The following KCTD21 variants were observed in gnomAD, a reference collection of about 807,000 sequenced individuals.
KCTD21 encodes the protein BTB/POZ domain-containing protein KCTD21.
In KCTD21, 9 loss-of-function variants were observed where a neutral mutation model predicts 13.2. The observed-to-expected ratio is 0.68, with a 90% confidence interval of 0.41 to 1.19. The LOEUF (loss-of-function observed/expected upper bound fraction) is 1.19, where lower values mean the gene tolerates loss of function less well. Among genes scored for constraint, KCTD21 ranks in the 50% most tolerant of loss-of-function variants. KCTD21 has a pLI of 0.01. For synonymous variants in KCTD21, 142 were observed against 137.4 expected, an observed-to-expected ratio of 1.03 and a Z score of -0.23; for missense variants, 303 against 336.5, an observed-to-expected ratio of 0.90 and a Z score of 0.78.
chr11:78,173,706 G>A lies in KCTD21; in HGVS notation c.*66C>T. 8 of 1,354,088 alleles carry A rather than the reference G, an allele frequency of 5.9e-6. No individual in the cohort carries two copies. Among genetic ancestry groups the A allele is most frequent in the Non-Finnish European group, 8.2e-6 (8 of 973,394 alleles). The allele number at this position is 1,354,088 out of a possible 1,614,324, so 83.9% of individuals were successfully genotyped here. A position where few individuals can be genotyped will look rare whatever the true frequency, so the allele number is the denominator to read the frequency against. The stretch of plus-strand genomic sequence containing the variant: ...CCCTGCCTCGCACCACTGGCGAGAT[G>A]CCCTCCAAGACCTGGCTGACATGAG... On this transcript the variant is annotated 3_prime_UTR_variant, in exon 2 of 2. Transcript: ENST00000340067.
intron 1 of KCTD21, chr11:78,187,479 T>C (rs1862819634): frequency 1.0e-6 from 1 of 985,426 alleles, no homozygotes; most frequent in Non-Finnish European, 1.2e-6. Context: ...CCACGGAATC[T>C]GGCACGGCAA....
intron 1 of KCTD21, chr11:78,188,108 T>C (rs1224848163): frequency 3.0e-6 from 3 of 985,276 alleles, no homozygotes; most frequent in African/African-American, 3.5e-5. Flanking sequence ...CCCAGGGCTC[T>C]CCAGAGCGGG....
intron 1 of KCTD21, 174 bp from the exon 2 acceptor site, chr11:78,174,757 G>GAGGGAAAGGAGAAAGGGAA: frequency 2.0e-6 from 1 of 490,976 alleles, no homozygotes; most frequent in Admixed American, 3.7e-5. Flanking sequence ...TCACTAGGGA[G>GAGGGAAAGGAGAAAGGGAA]AGGGAAAGGA....
chr11:78,187,325 T>G (rs1032374507), intron 1 of KCTD21: 31 of 985,146 alleles, frequency 3.1e-5, no homozygotes, highest in Admixed American at 6.1e-5. Context: ...TCTTGCCCAG[T>G]CCATATCTCT....
chr11:78,180,349 A>T (rs1011637749), intron 1 of KCTD21, among the ~76,000 whole-genome samples: 5 of 152,224 alleles, frequency 3.3e-5, no homozygotes, highest in African/African-American at 1.2e-4. Flanking sequence ...AAAACTCAGT[A>T]AGAAAATAAC....
intron 1 of KCTD21, 84 bp downstream of exon 1, chr11:78,188,489 T>C (rs1862885809): frequency 1.0e-6 from 1 of 984,802 alleles, no homozygotes; most frequent in Non-Finnish European, 1.2e-6. Flanking sequence ...TAGATTAGTC[T>C]CATGGTAAGA....
rs1862281454 is a variant in KCTD21, at chr11:78,171,565, T to C, written c.*2207A>G. Reference sequence around the variant, plus strand: ...AAATTGTTTTGTTATGACCACAGCTTCTGCTACTTGGTCTAAACTAGGTTC... The same window carrying C: ...AAATTGTTTTGTTATGACCACAGCTCCTGCTACTTGGTCTAAACTAGGTTC... On this transcript the variant is annotated 3_prime_UTR_variant, in exon 2 of 2. Transcript: ENST00000340067. 2 of 152,548 alleles carry C rather than the reference T, an allele frequency of 1.3e-5. No individual in the cohort carries two copies. The highest frequency in any genetic ancestry group is 2.9e-5 in the Non-Finnish European group (2 of 68,054). The allele number at this position is 152,548 out of a possible 1,614,324, so 9.4% of individuals were successfully genotyped here. A position where few individuals can be genotyped will look rare whatever the true frequency, so the allele number is the denominator to read the frequency against.
chr11:78,188,264 C>G (rs912857077), intron 1 of KCTD21: 2 of 984,612 alleles, frequency 2.0e-6, no homozygotes, highest in Non-Finnish European at 2.4e-6. Context: ...GAGATCCCGC[C>G]TCTCCTTGCC....
chr11:78,174,681 G>T, intron 1 of KCTD21, 98 bp from the exon 2 acceptor site: 1 of 818,882 alleles, frequency 1.2e-6, no homozygotes, highest in Non-Finnish European at 1.9e-6. Context: ...ATGCCCTTGG[G>T]ATCGAAATGA....
At chr11:78,185,532 G>A (rs1317930949) in intron 1 of KCTD21, among the ~76,000 whole-genome samples, 1 of 152,056 alleles carries the variant, frequency 6.6e-6, no homozygotes, top group Non-Finnish European at 1.5e-5. Context: ...GGAGGAGTTA[G>A]AATCTAAGCC....
chr11:78,188,547 C>T (rs1862889585), intron 1 of KCTD21, 26 bp downstream of exon 1: 11 of 985,480 alleles, frequency 1.1e-5, no homozygotes, highest in Non-Finnish European at 1.3e-5. Flanking sequence ...CCCCGAGCCC[C>T]GCGACCCCGG....
intron 1 of KCTD21, chr11:78,186,571 G>A (rs2137009266): frequency 2.5e-6 from 1 of 398,036 alleles, no homozygotes; most frequent in Admixed American, 6.6e-5. Context: ...ACACTACAAC[G>A]GCAATAATAA....
In KCTD21 at chr11:78,172,872, A is replaced by G. The variant is rs1702972339; in HGVS notation, c.*900T>C. On this transcript the variant is annotated 3_prime_UTR_variant, in exon 2 of 2. Coordinates refer to ENST00000340067, the MANE Select transcript of KCTD21 (RefSeq NM_001029859.3). ...CCCAGGGAGAGGCGCTCATCTTCAG[A>G]TGTGCTGGGGTGTTCTAGGGGTGGG... The G allele has an allele frequency of 6.6e-6, 1 of 152,434 alleles. No individual in the cohort carries two copies. The highest frequency in any genetic ancestry group is 2.1e-4 in the South Asian group (1 of 4,826). The allele number at this position is 152,434 out of a possible 1,614,324, so 9.4% of individuals were successfully genotyped here.
chr11:78,176,088 G>C (rs1161357849), intron 1 of KCTD21, among the ~76,000 whole-genome samples: 1 of 152,138 alleles, frequency 6.6e-6, no homozygotes, highest in African/African-American at 2.4e-5. Flanking sequence ...TGGCTGCATA[G>C]TATTCCATGG....
rs201143591 is a variant in KCTD21, at chr11:78,173,783, G to A, written c.772C>T (p.Arg258Trp). The A allele has an allele frequency of 1.6e-5, 25 of 1,611,980 alleles. No individual in the cohort carries two copies. The highest frequency in any genetic ancestry group is 4.5e-5 in the East Asian group (2 of 44,854). The change falls in exon 2 of 2, where the codon CGG becomes TGG. Residue 258 changes from arginine (R) to tryptophan (W), a missense_variant. Transcript: ENST00000340067. ...TTGTTGGGGTCCTTTTACCTGTACCGTATTAATCGAATAATCTTATTGTTC... is the reference window on the plus strand; with the variant it reads ...TTGTTGGGGTCCTTTTACCTGTACCATATTAATCGAATAATCTTATTGTTC... Reference protein sequence around the residue: ...FMNNKIIRLIRYR With the variant: ...FMNNKIIRLIWYR
At chr11:78,185,932 A>T (rs1862750987) in intron 1 of KCTD21, among the ~76,000 whole-genome samples, 1 of 152,158 alleles carries the variant, frequency 6.6e-6, no homozygotes, top group Non-Finnish European at 1.5e-5. Context: ...GCCTGGAAGA[A>T]GATGGCTGTT....
intron 1 of KCTD21, among the ~76,000 whole-genome samples, chr11:78,180,872 G>A (rs1234828012): frequency 1.3e-5 from 2 of 148,922 alleles, no homozygotes; most frequent in Admixed American, 1.4e-4. Flanking sequence ...AATCATTGGG[G>A]CGGTTTTCCT....
intron 1 of KCTD21, among the ~76,000 whole-genome samples, chr11:78,182,695 G>A (rs1186423995): frequency 6.6e-6 from 1 of 152,168 alleles, no homozygotes; most frequent in Non-Finnish European, 1.5e-5. Flanking sequence ...AGGGCTTCAT[G>A]TGGATTCTTG....
chr11:78,180,196 A>G (rs145248486), intron 1 of KCTD21, among the ~76,000 whole-genome samples: 2,291 of 152,308 alleles, frequency 0.015, 63 homozygotes, highest in African/African-American at 0.052. Context: ...AACATCAATA[A>G]ACTAGACTTC....
Sources: allele counts gnomAD v4.1 joint callset (sites outside exome capture counted in the v4.1 genomes callset), GRCh38; gene constraint gnomAD v4.1.1; transcripts MANE v1.5; gene names NCBI Gene and HGNC (gene_info 2026-07-23, HGNC 2026-07-21).